Variants in LAMB4 observed in about 807,000 individuals in gnomAD.
LAMB4 encodes laminin subunit beta 4.
In LAMB4, 196 loss-of-function variants were observed where a neutral mutation model predicts 199.2. That is an observed-to-expected ratio of 0.98 (90% CI 0.88 to 1.11). LAMB4 has a LOEUF of 1.11. Ranked by LOEUF, LAMB4 falls within the 50% of genes least tolerant of loss-of-function variation. The probability of loss-of-function intolerance (pLI) is 0.00; values close to 1 mark genes in which losing one functional copy is unlikely to be tolerated. For synonymous variants in LAMB4, 744 were observed against 770.6 expected (o/e 0.97, Z 0.57); for missense variants, 2,080 against 2,171.2 (o/e 0.96, Z 0.83).
chr7:108,052,642 C>T (rs2035861800), intron 25 of LAMB4, among the ~76,000 whole-genome samples: 1 of 152,092 alleles, frequency 6.6e-6, no homozygotes, highest in Admixed American at 6.5e-5. Context: ...AAAATAGAAC[C>T]GTTTACTTAG....
At chr7:108,087,285 T>G (rs962257637) in intron 14 of LAMB4, among the ~76,000 whole-genome samples, 3 of 152,190 alleles carry the variant, frequency 2.0e-5, no homozygotes, top group Non-Finnish European at 2.9e-5. Context: ...GGCTCCATGT[T>G]TAAGTGTTTC....
rs536725336 is a variant in LAMB4 at position 108,105,871 on chromosome 7, G to A, written c.816C>T (p.Ser272=). The change falls in exon 8 of 34, where the codon AGC becomes AGT. Residue 272 remains serine (S), a synonymous_variant. Transcript: ENST00000388781. The part of the protein sequence containing the change: ...RGSCFCNGHA[S]ECRPMQKMRG... ...GCATCTTCTGCATAGGGCGACATTCGCTAGCATGGCCATTGCAAAAGCAGC... is the reference window on the plus strand; with the variant it reads ...GCATCTTCTGCATAGGGCGACATTCACTAGCATGGCCATTGCAAAAGCAGC... The A allele has an allele frequency of 3.8e-5, 62 of 1,614,200 alleles. No homozygotes were observed. The highest frequency in any genetic ancestry group is 1.8e-4 in the Admixed American group (11 of 60,024).
At chr7:108,077,847 T>G (rs1197240286) in intron 16 of LAMB4, among the ~76,000 whole-genome samples, 1 of 152,182 alleles carries the variant, frequency 6.6e-6, no homozygotes, top group Admixed American at 6.5e-5. Context: ...TTCTTACATT[T>G]CAAAGCCACC....
intron 12 of LAMB4, among the ~76,000 whole-genome samples, chr7:108,093,096 G>A (rs1177062210): frequency 1.3e-5 from 2 of 152,088 alleles, no homozygotes; most frequent in African/African-American, 2.4e-5. Flanking sequence ...CCCCACAGAC[G>A]GAGTCTTGTT....
chr7:108,046,457 A>C (rs975607339), intron 28 of LAMB4, among the ~76,000 whole-genome samples: 13 of 151,994 alleles, frequency 8.6e-5, no homozygotes, highest in Admixed American at 8.5e-4. Context: ...TATAGTGGTA[A>C]AAAATTCAGC....
intron 25 of LAMB4, among the ~76,000 whole-genome samples, chr7:108,055,315 T>C (rs1179382528): frequency 1.3e-5 from 2 of 151,942 alleles, no homozygotes; most frequent in Non-Finnish European, 2.9e-5. Flanking sequence ...GCCTCCCAAG[T>C]AGTGGGGATT....
chr7:108,033,591 T>C (rs56407230), intron 31 of LAMB4, among the ~76,000 whole-genome samples: 6,209 of 152,102 alleles, frequency 0.041, 434 homozygotes, highest in African/African-American at 0.14. Context: ...GTATTTTTCA[T>C]AGAGACGGGG....
intron 14 of LAMB4, among the ~76,000 whole-genome samples, chr7:108,085,343 A>C (rs1338895447): frequency 6.6e-6 from 1 of 152,224 alleles, no homozygotes; most frequent in Non-Finnish European, 1.5e-5. Flanking sequence ...CAGTGATTCC[A>C]TGTGTGAGTT....
chr7:108,048,158 C>CTTTTTT (rs747991620), intron 27 of LAMB4, 47 bp from the exon 28 acceptor site: 49 of 463,300 alleles, frequency 1.1e-4, no homozygotes, highest in African/African-American at 5.5e-4. Flanking sequence ...GTTGTCAGAG[C>CTTTTTT]TTTTTTTTTT....
At chr7:108,076,910 GA>G in intron 17 of LAMB4, 33 bp downstream of exon 17, 2 of 1,608,772 alleles carry the variant, frequency 1.2e-6, no homozygotes, top group Non-Finnish European at 1.7e-6. Context: ...GCTTAGTAGC[GA>G]AGAAAGCACC....
chr7:108,107,074 A>G (rs954936000), intron 6 of LAMB4, among the ~76,000 whole-genome samples: 1 of 152,210 alleles, frequency 6.6e-6, no homozygotes, highest in Non-Finnish European at 1.5e-5. Flanking sequence ...AAGAGTGCTT[A>G]TGCTGGGTTG....
intron 11 of LAMB4, among the ~76,000 whole-genome samples, chr7:108,096,873 C>T (rs1255472898): frequency 7.6e-6 from 1 of 131,200 alleles, no homozygotes; most frequent in Non-Finnish European, 1.5e-5. Context: ...GAGTTTAAGG[C>T]TGCAGTGAGC....
In LAMB4 at chr7:108,063,125, A is replaced by T. The variant is rs552510324; in HGVS notation, c.3062-131T>A. ...GCTCAAAGAATGAACGCCTTATAAT[A>T]GTAAAGAATTTACCAAAGAATCTAT... On this transcript the variant is annotated intron_variant, in intron 22 of 33. Coordinates refer to ENST00000388781, the MANE Select transcript of LAMB4 (RefSeq NM_007356.3). 4 of 525,514 alleles carry T rather than the reference A, an allele frequency of 7.6e-6. No homozygotes were observed. In the Admixed American group the frequency reaches 1.5e-4, roughly 20 times the overall value. 32.6% of individuals were successfully genotyped at this position (525,514 alleles called of 1,614,324 possible). A position where few individuals can be genotyped will look rare whatever the true frequency, so the allele number is the denominator to read the frequency against.
intron 24 of LAMB4, among the ~76,000 whole-genome samples, chr7:108,057,586 G>T (rs986747413): frequency 2.0e-5 from 3 of 152,272 alleles, no homozygotes; most frequent in African/African-American, 7.2e-5. Context: ...TAATGAGTTT[G>T]AGGAATTTTA....
In LAMB4 at chr7:108,100,281, T is replaced by G. The variant is rs552600623; in HGVS notation, c.1181-1699A>C. Among the ~76,000 whole-genome samples, 5 of 152,352 alleles carry G rather than the reference T, an allele frequency of 3.3e-5. No individual in the cohort carries two copies. The East Asian group carries it at 7.7e-4, about 23-fold the overall frequency. ...AAATCTTGGTTTTTCTGTATCAAAT[T>G]TAATGGCAACTTAATTGTAGAAAAC... On this transcript the variant is annotated intron_variant, in intron 10 of 33. Coordinates refer to ENST00000388781, the MANE Select transcript of LAMB4 (RefSeq NM_007356.3).
At chr7:108,084,522 T>C (rs776295464) in intron 14 of LAMB4, among the ~76,000 whole-genome samples, 1 of 152,206 alleles carries the variant, frequency 6.6e-6, no homozygotes, top group Admixed American at 6.5e-5. Flanking sequence ...AGAAGAGATA[T>C]GCGCATCATG....
chr7:108,023,899 G>A lies in LAMB4; in HGVS notation c.*140C>T, dbSNP rs2034745426. The A allele has an allele frequency of 3.8e-6, 2 of 530,832 alleles. No individual in the cohort carries two copies. Among genetic ancestry groups the A allele is most frequent in the East Asian group, 3.2e-5 (1 of 30,958 alleles). The allele number at this position is 530,832 out of a possible 1,614,324, so 32.9% of individuals were successfully genotyped here. A position where few individuals can be genotyped will look rare whatever the true frequency, so the allele number is the denominator to read the frequency against. On this transcript the variant is annotated 3_prime_UTR_variant, in exon 34 of 34. Coordinates refer to ENST00000388781, the MANE Select transcript of LAMB4 (RefSeq NM_007356.3). The stretch of plus-strand genomic sequence containing the variant: ...TGGCATTTCAACCTCCAGCCACACT[G>A]AGCAGGTGTCTAATAAGGACAGGGT...
Position 108,024,041 on chromosome 7 carries a change from A to G in LAMB4, c.5284T>C (p.Ter1762GlnextTer24). The G allele has an allele frequency of 1.2e-6, 2 of 1,602,440 alleles. No homozygotes were observed. Among genetic ancestry groups the G allele is most frequent in the East Asian group, 4.5e-5 (2 of 44,570 alleles). The change falls in exon 34 of 34, where the codon TAG (stop) becomes CAG (glutamine). Residue 1762 changes from the stop codon to glutamine, a stop_lost. Coordinates refer to ENST00000388781, the MANE Select transcript of LAMB4 (RefSeq NM_007356.3). The stretch of plus-strand genomic sequence containing the variant: ...AAGCTTTTGCTCTTTAACTCTGCCT[A>G]GCTATAGCACCTAGCATATTTTTTT... ...QEKKYARCYS[*>Q] is the part of the protein sequence containing the mutation.
At chr7:108,068,475 C>T (rs2036420664) in intron 18 of LAMB4, among the ~76,000 whole-genome samples, 1 of 152,150 alleles carries the variant, frequency 6.6e-6, no homozygotes, top group African/African-American at 2.4e-5. Context: ...ATTCTTAATA[C>T]TTCAATTCCT....
Sources: allele counts gnomAD v4.1 joint callset (sites outside exome capture counted in the v4.1 genomes callset), GRCh38; gene constraint gnomAD v4.1.1; transcripts MANE v1.5; gene names NCBI Gene and HGNC (gene_info 2026-07-23, HGNC 2026-07-21).